The following RIPOR2 variants were observed in gnomAD, a reference collection of about 807,000 sequenced individuals.
RIPOR2 encodes RHO family interacting cell polarization regulator 2, also known as rho family-interacting cell polarization regulator 2.
RIPOR2 carries 39 observed loss-of-function variants against 114.5 expected under a neutral mutation model. The observed-to-expected ratio is 0.34, with a 90% CI of 0.26 to 0.44. The LOEUF (loss-of-function observed/expected upper bound fraction) is 0.44, where lower values mean the gene tolerates loss of function less well. RIPOR2 is among the 20% of genes least tolerant of loss of function. The pLI is 1.00. For missense variants in RIPOR2, 1,007 were observed against 1,255.1 expected (o/e 0.80, Z 2.99); for synonymous variants, 445 against 484.4 (o/e 0.92, Z 1.07).
chr6:24,861,059 T>C (rs745969972), intron 7 of RIPOR2, 23 bp from the exon 8 acceptor site: 6 of 1,568,770 alleles, frequency 3.8e-6, no homozygotes, highest in Admixed American at 1.7e-5. Flanking sequence ...CAGGAGACGA[T>C]CATGAGAGCT....
At chr6:24,978,750 C>G (rs1208881699) in intron 1 of RIPOR2, among the ~76,000 whole-genome samples, 1 of 152,140 alleles carries the variant, frequency 6.6e-6, no homozygotes, top group Non-Finnish European at 1.5e-5. Flanking sequence ...CTTTAGTGTC[C>G]TCATTCATAA....
chr6:24,981,365 A>G (rs1271538232), intron 1 of RIPOR2, among the ~76,000 whole-genome samples: 1 of 152,156 alleles, frequency 6.6e-6, no homozygotes, highest in Non-Finnish European at 1.5e-5. Context: ...GTAGGGGAGG[A>G]AAGAGATAAG....
intron 1 of RIPOR2, among the ~76,000 whole-genome samples, chr6:25,031,702 TATATATATA>T (rs1776956140): frequency 1.4e-3 from 2 of 1,404 alleles, no homozygotes; most frequent in Non-Finnish European, 5.0e-3. Flanking sequence ...GTGGTAGTTA[TATATATATA>T]TATATATATA....
intron 1 of RIPOR2, among the ~76,000 whole-genome samples, chr6:24,972,554 T>A (rs1773833963): frequency 6.6e-6 from 1 of 152,212 alleles, no homozygotes; most frequent in Non-Finnish European, 1.5e-5. Flanking sequence ...ACAGAGGTTT[T>A]CAGATATGTG....
At chr6:25,013,706 G>C (rs539373744) in intron 1 of RIPOR2, among the ~76,000 whole-genome samples, 2 of 152,300 alleles carry the variant, frequency 1.3e-5, no homozygotes, top group African/African-American at 2.4e-5. Flanking sequence ...TGGGCCTATA[G>C]GGGTTCTCTG....
intron 1 of RIPOR2, among the ~76,000 whole-genome samples, chr6:25,034,448 A>G (rs1040068827): frequency 6.6e-6 from 1 of 152,162 alleles, no homozygotes; most frequent in East Asian, 1.9e-4. Flanking sequence ...CTAGGCTAAC[A>G]TATTTCAAGA....
chr6:24,952,617 C>T (rs1201317041), intron 1 of RIPOR2, among the ~76,000 whole-genome samples: 4 of 152,138 alleles, frequency 2.6e-5, no homozygotes, highest in African/African-American at 9.7e-5. Flanking sequence ...TAATGAGGAG[C>T]TGATGAGTAT....
chr6:24,876,996 G>T, intron 1 of RIPOR2: 1 of 985,370 alleles, frequency 1.0e-6, no homozygotes, highest in Non-Finnish European at 1.2e-6. Context: ...GGACAGGCTA[G>T]CAGGAAAAAG....
Position 24,835,869 on chromosome 6 carries a change from T to C in RIPOR2, c.2042A>G (p.Tyr681Cys), listed in dbSNP as rs1331349231. ...FSDTETEKHS[Y>C]RSVHPEARGH... ...CCTGGCTTCTGGGTGAACCGACCTG[T>C]AACTATTGAAGGTGGGCAAAACATT... The change falls in exon 15 of 22, where the codon TAC becomes TGC. Residue 681 changes from tyrosine to cysteine, a missense_variant and splice_region_variant. Transcript: ENST00000643898. 1 of 1,551,352 alleles carries C rather than the reference T, an allele frequency of 6.4e-7. No homozygotes were observed. Among genetic ancestry groups the C allele is most frequent in the East Asian group, 2.4e-5 (1 of 40,932 alleles).
intron 9 of RIPOR2, among the ~76,000 whole-genome samples, chr6:24,852,004 C>A (rs896664291): frequency 7.8e-6 from 1 of 127,988 alleles, no homozygotes. Flanking sequence ...GTAATCCCAG[C>A]ACTTTGGGAG....
At chr6:24,999,032 A>G (rs893969138) in intron 1 of RIPOR2, among the ~76,000 whole-genome samples, 2 of 152,188 alleles carry the variant, frequency 1.3e-5, no homozygotes, top group Non-Finnish European at 2.9e-5. Context: ...CTTCCTCCTA[A>G]TTGATCTGGG....
chr6:25,017,673 C>T (rs1288899895), intron 1 of RIPOR2, among the ~76,000 whole-genome samples: 1 of 152,196 alleles, frequency 6.6e-6, no homozygotes. Flanking sequence ...GTGGTAAACG[C>T]CCAGAGGGCC....
Position 24,924,990 on chromosome 6 carries a change from T to C in RIPOR2, c.61+10848A>G, listed in dbSNP as rs114067984. On this transcript the variant is annotated intron_variant, in intron 1 of 21. Coordinates refer to ENST00000643898, the MANE Select transcript of RIPOR2 (RefSeq NM_001286445.3). ...TAATTGAGTACTCTAAAAAATGGTCTAGTAAGGAGAAGAATGGAATTCTTT... is the reference window on the plus strand; with the variant it reads ...TAATTGAGTACTCTAAAAAATGGTCCAGTAAGGAGAAGAATGGAATTCTTT... Among the ~76,000 whole-genome samples, 859 of 152,374 alleles carry C rather than the reference T, an allele frequency of 5.6e-3. 5 individuals carry two copies. The highest frequency in any genetic ancestry group is 0.024 in the Middle Eastern group (7 of 294).
At chr6:24,852,368 G>T (rs927256110) in intron 9 of RIPOR2, among the ~76,000 whole-genome samples, 2 of 152,000 alleles carry the variant, frequency 1.3e-5, no homozygotes, top group Non-Finnish European at 2.9e-5. Context: ...AGCAAATGTG[G>T]CATAATGTTA....
In RIPOR2 at chr6:24,835,508, G is replaced by T. The variant is rs1490965853; in HGVS notation, c.2208+195C>A. ...ACTACTGTGAAGGTCTGGAGAGTTA[G>T]GTTCGAAGATGAAAAACCCAAGGTT... On this transcript the variant is annotated intron_variant, in intron 15 of 21. Coordinates refer to ENST00000643898, the MANE Select transcript of RIPOR2 (RefSeq NM_001286445.3). Among the ~76,000 whole-genome samples the T allele has an allele frequency of 5.3e-5, 8 of 152,288 alleles. No individual in the cohort carries two copies. In the South Asian group the frequency reaches 1.2e-3, roughly 24 times the overall value.
chr6:25,021,942 T>A (rs1180032752), intron 1 of RIPOR2, among the ~76,000 whole-genome samples: 1 of 152,170 alleles, frequency 6.6e-6, no homozygotes, highest in Non-Finnish European at 1.5e-5. Flanking sequence ...CCTAAATTCC[T>A]TAATGCTTCA....
rs58886088 is a variant in RIPOR2, at chr6:25,031,699, TTATATATATATATATATATATATA to T, written c.76+10128_76+10151del. On this transcript the variant is annotated intron_variant, in intron 1 of 13. Transcript: ENST00000510784. The stretch of plus-strand genomic sequence containing the variant: ...GTTAGGTATGTGATGTAGGTGGTAG[TTATATATATATATATATATATATA>T]TATATATATATATATATATATATAT... 4.7e-3 allele frequency among the ~76,000 whole-genome samples: 165 copies of T among 35,474 alleles called. 1 individual carries two copies. The highest frequency in any genetic ancestry group is 0.012 in the African/African-American group (142 of 11,942). The allele number at this position is 35,474 out of a possible 152,430, so 23.3% of individuals were successfully genotyped here.
rs371904262 is a variant in RIPOR2, at chr6:24,850,898, C to CT, written c.760-177dup. On this transcript the variant is annotated intron_variant, in intron 9 of 21. Transcript: ENST00000643898. ...GAGCTGGGGATGAGTGGGGAGGAGA[C>CT]TTTTTTTTTTTTTTTGAGTTGGAGT... Among the ~76,000 whole-genome samples, 1,520 of 138,354 alleles carry CT rather than the reference C, an allele frequency of 0.011. 27 individuals are homozygous for CT. Among genetic ancestry groups the CT allele is most frequent in the African/African-American group, 0.032 (1,225 of 37,816 alleles). 90.8% of individuals were successfully genotyped at this position (138,354 alleles called of 152,430 possible).
At chr6:24,961,873 C>T (rs938919160) in intron 1 of RIPOR2, among the ~76,000 whole-genome samples, 1 of 152,084 alleles carries the variant, frequency 6.6e-6, no homozygotes, top group Non-Finnish European at 1.5e-5. Context: ...GTAATCTGCC[C>T]GTCTTGGCCT....
Sources: gnomAD v4.1 joint callset for allele counts (sites outside exome capture counted in the v4.1 genomes callset) on GRCh38, gnomAD v4.1.1 for gene constraint, MANE v1.5 for transcripts, NCBI Gene and HGNC (gene_info 2026-07-23, HGNC 2026-07-21) for gene names.